Variants in FAM120C observed in about 807,000 individuals in gnomAD.
FAM120C encodes the protein constitutive coactivator of PPAR-gamma-like protein 2.
FAM120C carries 14 observed loss-of-function variants against 71.2 expected under a neutral mutation model. That is an observed-to-expected ratio of 0.20 (90% CI 0.13 to 0.31). FAM120C has a LOEUF of 0.31. Among genes scored for constraint, FAM120C ranks in the 10% least tolerant of loss-of-function variants. The pLI is 1.00. For synonymous variants in FAM120C, 354 were observed against 353.2 expected (o/e 1.00, Z -0.03); for missense variants, 500 against 879.0 (o/e 0.57, Z 5.45).
intron 6 of FAM120C, 34 bp from the exon 7 acceptor site, chrX:54,135,145 C>A (rs2067088253): frequency 1.5e-5 from 17 of 1,155,597 alleles, no homozygotes; most frequent in Non-Finnish European, 1.8e-5. Context: ...AGCTATTTAA[C>A]ATTTTATAAG....
intron 4 of FAM120C, among the ~76,000 whole-genome samples, chrX:54,140,019 C>A (rs1343314713): frequency 9.0e-6 from 1 of 111,226 alleles, no homozygotes; most frequent in Non-Finnish European, 1.9e-5. Context: ...CCCGGCCGGG[C>A]ACGGTGGCTC....
At chrX:54,101,136 G>A (rs1473493060) in intron 10 of FAM120C, among the ~76,000 whole-genome samples, 1 of 111,711 alleles carries the variant, frequency 9.0e-6, no homozygotes, top group African/African-American at 3.3e-5. Flanking sequence ...TACTTTATGC[G>A]GGCCTGCAGA....
intron 9 of FAM120C, among the ~76,000 whole-genome samples, chrX:54,132,336 A>C (rs1298827304): frequency 4.5e-5 from 5 of 110,918 alleles, no homozygotes; most frequent in African/African-American, 1.6e-4. Flanking sequence ...TACAGGCATG[A>C]GGCACAGCAC....
At chrX:54,136,943 TTTATTATTATTA>T (rs200501762) in intron 4 of FAM120C, among the ~76,000 whole-genome samples, 2 of 107,686 alleles carry the variant, frequency 1.9e-5, no homozygotes, top group East Asian at 2.9e-4. Flanking sequence ...ATTTTATTAT[TTTATTATTATTA>T]TTATTATTAT....
chrX:54,095,726 G>A (rs868971574), intron 10 of FAM120C, among the ~76,000 whole-genome samples: 8 of 109,879 alleles, frequency 7.3e-5, no homozygotes, highest in African/African-American at 2.7e-4. Flanking sequence ...GCACCATCTC[G>A]GCTCACTGCA....
At chrX:54,090,902 C>A (rs2066820881) in intron 11 of FAM120C, among the ~76,000 whole-genome samples, 1 of 111,068 alleles carries the variant, frequency 9.0e-6, no homozygotes, top group Admixed American at 9.7e-5. Context: ...CTACTGCCTT[C>A]AGTGGGTGGG....
intron 9 of FAM120C, among the ~76,000 whole-genome samples, chrX:54,125,097 C>T (rs916758878): frequency 6.4e-5 from 7 of 109,889 alleles, no homozygotes; most frequent in Non-Finnish European, 1.1e-4. Flanking sequence ...CACCTGTAAT[C>T]CCAGTTGAGG....
intron 9 of FAM120C, among the ~76,000 whole-genome samples, chrX:54,131,160 C>T (rs1240038172): frequency 8.9e-6 from 1 of 112,193 alleles, no homozygotes; most frequent in Non-Finnish European, 1.9e-5. Context: ...CACTGTGTAG[C>T]TTAAAATACT....
intron 15 of FAM120C, among the ~76,000 whole-genome samples, chrX:54,076,775 T>C (rs1457898114): frequency 8.9e-6 from 1 of 111,994 alleles, no homozygotes; most frequent in Non-Finnish European, 1.9e-5. Flanking sequence ...CATATGTGTT[T>C]GGCACAGTGT....
chrX:54,077,322 C>G (rs1199586280), intron 15 of FAM120C, among the ~76,000 whole-genome samples: 3 of 111,754 alleles, frequency 2.7e-5, no homozygotes, highest in Non-Finnish European at 3.8e-5. Context: ...GCTGTAATGT[C>G]AATTCTGATA....
chrX:54,113,493 A>G (rs782374596), intron 10 of FAM120C, among the ~76,000 whole-genome samples: 5 of 110,801 alleles, frequency 4.5e-5, no homozygotes, highest in African/African-American at 1.6e-4. Flanking sequence ...TGCAACAAAA[A>G]CAAAAATAGA....
intron 10 of FAM120C, among the ~76,000 whole-genome samples, chrX:54,096,283 C>T (rs1432445019): frequency 3.6e-5 from 4 of 110,257 alleles, no homozygotes; most frequent in African/African-American, 9.9e-5. Context: ...TGGTGGCGTG[C>T]GCCTGTAGTC....
intron 10 of FAM120C, among the ~76,000 whole-genome samples, chrX:54,112,791 A>T (rs782024661): frequency 9.4e-6 from 1 of 106,540 alleles, no homozygotes; most frequent in East Asian, 3.0e-4. Flanking sequence ...CAGTGAGCCG[A>T]GATCGTGCCA....
intron 10 of FAM120C, among the ~76,000 whole-genome samples, chrX:54,107,469 G>C (rs1557125010): frequency 9.1e-6 from 1 of 109,727 alleles, no homozygotes; most frequent in Non-Finnish European, 1.9e-5. Context: ...TAGGGCTGTG[G>C]CCCAGGAACA....
chrX:54,074,637 G>C lies in FAM120C; in HGVS notation c.3037-1350C>G, dbSNP rs183001071. On this transcript the variant is annotated intron_variant, in intron 15 of 15. Transcript: ENST00000375180. The stretch of plus-strand genomic sequence containing the variant: ...TCTCCATGTTGGTCAGGCTGGTCTC[G>C]AATTCCCGACCTCAGGTGATCCACC... 2.0e-3 allele frequency among the ~76,000 whole-genome samples: 226 copies of C among 112,079 alleles called. 2 individuals are homozygous for C. The Middle Eastern group carries it at 0.042, about 21-fold the overall frequency.
chrX:54,115,433 A>C (rs1483142283), intron 10 of FAM120C, among the ~76,000 whole-genome samples: 1 of 112,229 alleles, frequency 8.9e-6, no homozygotes. Context: ...AAAATTAAGA[A>C]GTTTTATGGT....
intron 5 of FAM120C, 106 bp from the exon 6 acceptor site, chrX:54,135,710 T>G (rs1253599124): frequency 1.7e-6 from 1 of 574,945 alleles, no homozygotes; most frequent in African/African-American, 2.3e-5. Context: ...ATAAATAAGT[T>G]ACAATTTATT....
At chrX:54,179,749 TG>T (rs2067337435) in intron 1 of FAM120C, among the ~76,000 whole-genome samples, 1 of 111,519 alleles carries the variant, frequency 9.0e-6, no homozygotes, top group African/African-American at 3.3e-5. Flanking sequence ...CTATTCACTA[TG>T]GAAAAAAACA....
At chrX:54,085,523 G>A (rs1557121847) in intron 13 of FAM120C, among the ~76,000 whole-genome samples, 192 bp downstream of exon 13, 1 of 108,652 alleles carries the variant, frequency 9.2e-6, no homozygotes, top group East Asian at 2.9e-4. Context: ...GGAGGCGGAG[G>A]TTGCAGTGAG....
Sources: gnomAD v4.1 joint callset for allele counts (sites outside exome capture counted in the v4.1 genomes callset) on GRCh38, gnomAD v4.1.1 for gene constraint, MANE v1.5 for transcripts, NCBI Gene and HGNC (gene_info 2026-07-23, HGNC 2026-07-21) for gene names.